AGTPBP1: variants seen among roughly 807,000 people sequenced by gnomAD.
AGTPBP1 encodes ATP/GTP binding carboxypeptidase 1.
AGTPBP1 carries 70 observed loss-of-function variants against 143.9 expected under a neutral mutation model. The ratio of observed to expected loss-of-function variants is 0.49; its 90% CI spans 0.40 to 0.59. AGTPBP1 has a LOEUF of 0.59. Ranked by LOEUF, AGTPBP1 falls within the 20% of genes least tolerant of loss-of-function variation. The pLI, the probability that AGTPBP1 is intolerant of heterozygous loss-of-function variation, is 0.00. For missense variants in AGTPBP1, 1,229 were observed against 1,464.5 expected, an observed-to-expected ratio of 0.84 and a Z score of 2.62; for synonymous variants, 463 against 500.2, an observed-to-expected ratio of 0.93 and a Z score of 0.99.
intron 3 of AGTPBP1, among the ~76,000 whole-genome samples, chr9:85,685,661 G>T (rs1835445278): frequency 1.3e-5 from 2 of 152,144 alleles, no homozygotes; most frequent in African/African-American, 4.8e-5. Context: ...AATGGCACCA[G>T]ATCAAACTCA....
In AGTPBP1 at chr9:85,586,998, T is replaced by C. The variant is rs746596648; in HGVS notation, c.2904-38A>G. On this transcript the variant is annotated intron_variant, in intron 21 of 25. Transcript: ENST00000357081. ...AAACACAAAGACAGAAAAACACTGG[T>C]ACCCATAAACCCTTATATACATTTC... The C allele has an allele frequency of 8.1e-6, 13 of 1,612,138 alleles. No homozygotes were observed. In the South Asian group the frequency reaches 1.4e-4, roughly 18 times the overall value.
the AGTPBP1 span, among the ~76,000 whole-genome samples, chr9:85,748,068 AT>A: frequency 2.0e-4 from 31 of 151,776 alleles, no homozygotes; most frequent in African/African-American, 7.3e-4. Flanking sequence ...AGTTGACTGC[AT>A]TTGTTTCTGT....
chr9:85,677,608 T>A, intron 5 of AGTPBP1, 26 bp from the exon 6 acceptor site: 7 of 1,455,674 alleles, frequency 4.8e-6, no homozygotes, highest in Non-Finnish European at 5.5e-6. Context: ...AAAAAAAATT[T>A]AAACAACAAA....
intron 8 of AGTPBP1, among the ~76,000 whole-genome samples, chr9:85,664,899 C>A (rs1245517153): frequency 6.6e-6 from 1 of 152,024 alleles, no homozygotes; most frequent in African/African-American, 2.4e-5. Flanking sequence ...AACTTTTATT[C>A]GAGACTACCA....
chr9:85,762,914 A>G, the AGTPBP1 span, among the ~76,000 whole-genome samples: 1 of 150,670 alleles, frequency 6.6e-6, no homozygotes, highest in Non-Finnish European at 1.5e-5. Context: ...CAAAATGAGT[A>G]CCCAAAACAT....
intron 11 of AGTPBP1, among the ~76,000 whole-genome samples, chr9:85,650,567 T>C (rs1265671711): frequency 6.6e-6 from 1 of 152,230 alleles, no homozygotes; most frequent in African/African-American, 2.4e-5. Context: ...GTCAACAGGT[T>C]ACTAGTAGTT....
the AGTPBP1 span, among the ~76,000 whole-genome samples, chr9:85,760,297 C>G: frequency 2.0e-5 from 3 of 152,082 alleles, no homozygotes; most frequent in Admixed American, 1.3e-4. Flanking sequence ...GATACCAAAG[C>G]CTGGCAGAGA....
Position 85,678,387 on chromosome 9 carries a change from A to T in AGTPBP1, c.237T>A (p.Asp79Glu). ...ILLSTLENTK[D>E]LQTTLNILSI... ...TTAAGATATTAAGTGTAGTTTGAAG[A>T]TCTTTTGTGTTCTGAAATAAATAGT... Residue 79 changes from aspartate to glutamate, a missense_variant, in exon 5 of 26, where the codon GAT becomes GAA. By Grantham distance (45) the Asp-to-Glu change is conservative (BLOSUM62 2). Around this residue, in one of 2 missense-constraint regions of AGTPBP1, gnomAD observed 743 missense variants for 812.2 expected, o/e 0.91. Transcript: ENST00000357081. 1 of 1,583,954 alleles carries T rather than the reference A, an allele frequency of 6.3e-7. No homozygotes were observed. Among genetic ancestry groups the T allele is most frequent in the Non-Finnish European group, 8.6e-7 (1 of 1,160,782 alleles).
At chr9:85,752,426 G>T in the AGTPBP1 span, among the ~76,000 whole-genome samples, 1 of 152,058 alleles carries the variant, frequency 6.6e-6, no homozygotes, top group African/African-American at 2.4e-5. Flanking sequence ...GTCTTGGGTG[G>T]AGTAACTATG....
chr9:85,672,909 AT>A (rs1303221898), intron 6 of AGTPBP1, among the ~76,000 whole-genome samples: 1 of 151,566 alleles, frequency 6.6e-6, no homozygotes, highest in Admixed American at 6.6e-5. Flanking sequence ...TAATTTTTGG[AT>A]TTTTAGTGGA....
chr9:85,778,024 GA>G, the AGTPBP1 span, among the ~76,000 whole-genome samples: 1 of 152,200 alleles, frequency 6.6e-6, no homozygotes, highest in Non-Finnish European at 1.5e-5. Context: ...CCTGTCAACT[GA>G]TCATAGGGAA....
chr9:85,779,220 TATAGATATAG>T, the AGTPBP1 span, among the ~76,000 whole-genome samples: 40 of 139,036 alleles, frequency 2.9e-4, no homozygotes, highest in African/African-American at 1.1e-3. Flanking sequence ...TAGATATAGA[TATAGATATAG>T]ATATAGATAT....
the AGTPBP1 span, among the ~76,000 whole-genome samples, chr9:85,788,679 T>C: frequency 6.7e-6 from 1 of 149,618 alleles, no homozygotes; most frequent in African/African-American, 2.4e-5. Flanking sequence ...TATATACTTG[T>C]ATATAGATAT....
chr9:85,676,244 T>C (rs1834822936), intron 6 of AGTPBP1, among the ~76,000 whole-genome samples: 1 of 151,388 alleles, frequency 6.6e-6, no homozygotes, highest in South Asian at 2.1e-4. Flanking sequence ...AAGGAAACAA[T>C]CAACAAAGTG....
chr9:85,659,036 C>T (rs1174625237), intron 9 of AGTPBP1, among the ~76,000 whole-genome samples: 5 of 151,996 alleles, frequency 3.3e-5, no homozygotes, highest in East Asian at 1.9e-4. Flanking sequence ...TATTACAAAC[C>T]TTGTGTGTTT....
intron 17 of AGTPBP1, among the ~76,000 whole-genome samples, chr9:85,602,906 T>C (rs926408362): frequency 1.3e-5 from 2 of 152,156 alleles, no homozygotes; most frequent in Non-Finnish European, 1.5e-5. Context: ...GCTGTCAATG[T>C]CACAGCAGAA....
At chr9:85,754,932 CT>C in the AGTPBP1 span, among the ~76,000 whole-genome samples, 3 of 152,126 alleles carry the variant, frequency 2.0e-5, no homozygotes, top group Non-Finnish European at 4.4e-5. Flanking sequence ...ATTTAAGTTA[CT>C]TGCTAGACTT....
At chr9:85,709,976 C>T (rs901613747) in intron 2 of AGTPBP1, among the ~76,000 whole-genome samples, 4 of 152,124 alleles carry the variant, frequency 2.6e-5, no homozygotes, top group East Asian at 3.8e-4. Context: ...GAATATTCTA[C>T]CAACCCTCAA....
At chr9:85,662,174 G>A (rs1423228797) in intron 8 of AGTPBP1, among the ~76,000 whole-genome samples, 4 of 152,142 alleles carry the variant, frequency 2.6e-5, no homozygotes, top group Non-Finnish European at 5.9e-5. Flanking sequence ...GGTAGGTAAA[G>A]TTCACAGCAA....
Sources: gnomAD v4.1 joint callset for allele counts (sites outside exome capture counted in the v4.1 genomes callset) on GRCh38, gnomAD v4.1.1 for gene constraint, gnomAD v4.1.1 regional missense constraint, MANE v1.5 for transcripts, NCBI Gene and HGNC (gene_info 2026-07-23, HGNC 2026-07-21) for gene names.